C1orf185: variants seen among roughly 807,000 people sequenced by gnomAD.
The protein encoded by C1orf185 is chromosome 1 open reading frame 185, also known as uncharacterized protein C1orf185.
In C1orf185, 13 loss-of-function variants were observed where a neutral mutation model predicts 16.1. The ratio of observed to expected loss-of-function variants is 0.81; its 90% CI spans 0.53 to 1.28. C1orf185 has a LOEUF of 1.28. C1orf185 is among the 50% of genes most tolerant of loss of function. The probability of loss-of-function intolerance (pLI) is 0.00; values close to 1 mark genes in which losing one functional copy is unlikely to be tolerated. For missense variants in C1orf185, 220 were observed against 225.2 expected (o/e 0.98, Z 0.15); for synonymous variants, 80 against 76.9 (o/e 1.04, Z -0.21).
At chr1:51,111,952 A>G (rs1256320061) in intron 1 of C1orf185, among the ~76,000 whole-genome samples, 3 of 152,170 alleles carry the variant, frequency 2.0e-5, no homozygotes, top group Non-Finnish European at 4.4e-5. Flanking sequence ...ATGAGCCGCC[A>G]CGCCCATCCT....
intron 1 of C1orf185, among the ~76,000 whole-genome samples, chr1:51,109,408 T>C (rs1189324380): frequency 1.3e-5 from 2 of 152,218 alleles, no homozygotes; most frequent in Non-Finnish European, 2.9e-5. Context: ...CAGAAGCTTT[T>C]TAGTCTGATA....
chr1:51,104,750 C>T (rs1646056509), intron 1 of C1orf185, among the ~76,000 whole-genome samples: 1 of 152,152 alleles, frequency 6.6e-6, no homozygotes, highest in African/African-American at 2.4e-5. Context: ...ATCCCTTTAA[C>T]TACACTATTT....
intron 3 of C1orf185, among the ~76,000 whole-genome samples, chr1:51,129,189 A>G (rs1052179684): frequency 6.6e-6 from 1 of 152,092 alleles, no homozygotes; most frequent in African/African-American, 2.4e-5. Context: ...CTGGCCACGC[A>G]GCTAAATTTT....
intron 3 of C1orf185, among the ~76,000 whole-genome samples, chr1:51,143,094 T>C (rs183117491): frequency 3.9e-5 from 6 of 152,334 alleles, no homozygotes; most frequent in Non-Finnish European, 7.3e-5. Flanking sequence ...TTAGAGATTT[T>C]AGATTGATCG....
intron 1 of C1orf185, among the ~76,000 whole-genome samples, chr1:51,105,599 T>A (rs2148007428): frequency 6.6e-6 from 1 of 152,232 alleles, no homozygotes; most frequent in Non-Finnish European, 1.5e-5. Flanking sequence ...ACTCTGAGAA[T>A]ACTATAGTGG....
At chr1:51,143,722 G>A (rs1178660383) in intron 3 of C1orf185, among the ~76,000 whole-genome samples, 1 of 152,242 alleles carries the variant, frequency 6.6e-6, no homozygotes, top group African/African-American at 2.4e-5. Context: ...GGAATGCAGT[G>A]GCTTGATGCG....
At chr1:51,104,869 A>C (rs550457028) in intron 1 of C1orf185, among the ~76,000 whole-genome samples, 1 of 152,276 alleles carries the variant, frequency 6.6e-6, no homozygotes, top group African/African-American at 2.4e-5. Context: ...GGTTATTCTC[A>C]TAGCACTCAG....
chr1:51,130,339 GTTTC>G (rs995822593), intron 3 of C1orf185, among the ~76,000 whole-genome samples: 1 of 149,760 alleles, frequency 6.7e-6, no homozygotes, highest in Non-Finnish European at 1.5e-5. Context: ...GAGAGATCCA[GTTTC>G]TTTCTTTCTT....
chr1:51,105,084 A>C (rs1466616813), intron 1 of C1orf185, among the ~76,000 whole-genome samples: 1 of 151,816 alleles, frequency 6.6e-6, no homozygotes, highest in Non-Finnish European at 1.5e-5. Context: ...CAGCCTCCCA[A>C]GTAGCTGGGA....
chr1:51,129,217 T>C (rs902795941), intron 3 of C1orf185, among the ~76,000 whole-genome samples: 2 of 152,078 alleles, frequency 1.3e-5, no homozygotes, highest in African/African-American at 4.8e-5. Flanking sequence ...TTTGTAGAGA[T>C]GGGGTCTCAA....
At chr1:51,104,820 T>C (rs1327461441) in intron 1 of C1orf185, among the ~76,000 whole-genome samples, 1 of 152,218 alleles carries the variant, frequency 6.6e-6, no homozygotes, top group Non-Finnish European at 1.5e-5. Flanking sequence ...TGTTTTTGCA[T>C]TGGGCCAAAC....
chr1:51,141,126 T>C (rs979654105), intron 3 of C1orf185, among the ~76,000 whole-genome samples: 3 of 152,214 alleles, frequency 2.0e-5, no homozygotes, highest in Admixed American at 6.5e-5. Context: ...TAAATTTTCC[T>C]CTAGGAAACT....
intron 2 of C1orf185, among the ~76,000 whole-genome samples, chr1:51,113,433 C>T (rs1646137296): frequency 6.6e-6 from 1 of 151,796 alleles, no homozygotes; most frequent in Admixed American, 6.6e-5. Flanking sequence ...CCTATAATCC[C>T]AGCACTTTGG....
rs1646046393 is a variant in C1orf185 at position 51,103,410 on chromosome 1, A to ACACACACAC, written c.16+1161_16+1162insCACACACAC. ...AACAGAGTGAGATCTTGTCTCGAAA[A>ACACACACAC]ACACACACACACACACACACACACA... On this transcript the variant is annotated intron_variant, in intron 1 of 4. Coordinates refer to ENST00000371759, the MANE Select transcript of C1orf185 (RefSeq NM_001136508.2). Among the ~76,000 whole-genome samples, 222 of 128,920 alleles carry ACACACACAC rather than the reference A, an allele frequency of 1.7e-3. 1 individual carries two copies. Among genetic ancestry groups the ACACACACAC allele is most frequent in the African/African-American group, 6.2e-3 (201 of 32,576 alleles). The allele number at this position is 128,920 out of a possible 152,430, so 84.6% of individuals were successfully genotyped here.
At chr1:51,116,231 C>T (rs1646156234) in intron 2 of C1orf185, among the ~76,000 whole-genome samples, 1 of 152,002 alleles carries the variant, frequency 6.6e-6, no homozygotes, top group Non-Finnish European at 1.5e-5. Context: ...ATTGACTCCA[C>T]CTTCAGTATC....
chr1:51,129,783 C>A (rs935332837), intron 3 of C1orf185: 1 of 152,198 alleles, frequency 6.6e-6, no homozygotes, highest in African/African-American at 2.4e-5. Context: ...TGGCAGGGAG[C>A]AGAGAGAGCA....
In C1orf185 at chr1:51,116,315, C is replaced by CTT. The variant is rs59140209; in HGVS notation, c.123-2335_123-2334dup. Among the ~76,000 whole-genome samples the CTT allele has an allele frequency of 7.4e-4, 102 of 137,338 alleles. 1 individual carries two copies. The highest frequency in any genetic ancestry group is 1.7e-3 in the East Asian group (8 of 4,784). The allele number at this position is 137,338 out of a possible 152,430, so 90.1% of individuals were successfully genotyped here. On this transcript the variant is annotated intron_variant, in intron 2 of 4. Transcript: ENST00000371759. Reference sequence around the variant, plus strand: ...GCAAATCTGATCAAGTCACCCTACCCTTTTTTTTTTTTTTTTTGAAACGGA... The same window carrying CTT: ...GCAAATCTGATCAAGTCACCCTACCCTTTTTTTTTTTTTTTTTTTGAAACGGA...
chr1:51,137,650 C>T (rs1274377341), intron 3 of C1orf185, among the ~76,000 whole-genome samples: 1 of 152,168 alleles, frequency 6.6e-6, no homozygotes, highest in African/African-American at 2.4e-5. Flanking sequence ...GTGGCAATTC[C>T]TCAAAGGCTT....
At chr1:51,150,608 G>A (rs892575970), downstream of C1orf185, among the ~76,000 whole-genome samples, 2 of 152,228 alleles carry the variant, frequency 1.3e-5, no homozygotes, top group East Asian at 1.9e-4. Flanking sequence ...CAATACTTAC[G>A]AAATTATGCC....
Sources: allele counts gnomAD v4.1 joint callset (sites outside exome capture counted in the v4.1 genomes callset), GRCh38; gene constraint gnomAD v4.1.1; transcripts MANE v1.5; gene names NCBI Gene and HGNC (gene_info 2026-07-23, HGNC 2026-07-21).